Variants in CAMTA1 observed in about 807,000 individuals in gnomAD.
CAMTA1 encodes the protein calmodulin binding transcription activator 1, also known as calmodulin-binding transcription activator 1.
Under a neutral mutation model 170.9 loss-of-function variants are expected in CAMTA1, and 27 were observed. The observed-to-expected ratio is 0.16, with a 90% confidence interval of 0.12 to 0.22. The LOEUF (loss-of-function observed/expected upper bound fraction) is 0.22. Among genes scored for constraint, CAMTA1 ranks in the 10% least tolerant of loss-of-function variants. The probability of loss-of-function intolerance (pLI) is 1.00; values close to 1 mark genes in which losing one functional copy is unlikely to be tolerated. For synonymous variants in CAMTA1, 833 were observed against 891.5 expected, an observed-to-expected ratio of 0.93 and a Z score of 1.17; for missense variants, 1,619 against 2,217.2, an observed-to-expected ratio of 0.73 and a Z score of 5.42.
intron 5 of CAMTA1, among the ~76,000 whole-genome samples, chr1:7,285,992 G>A (rs781024674): frequency 1.3e-5 from 2 of 152,146 alleles, no homozygotes; most frequent in Non-Finnish European, 2.9e-5. Context: ...CTGCCCGCTA[G>A]CATGCTTTCT....
At chr1:7,253,839 C>A (rs1666968614) in intron 5 of CAMTA1, among the ~76,000 whole-genome samples, 1 of 152,136 alleles carries the variant, frequency 6.6e-6, no homozygotes, top group Non-Finnish European at 1.5e-5. Context: ...ATTTATTTAG[C>A]ACACATCCTT....
intron 6 of CAMTA1, among the ~76,000 whole-genome samples, chr1:7,551,301 A>G (rs2094798734): frequency 7.7e-6 from 1 of 129,324 alleles, no homozygotes; most frequent in Non-Finnish European, 1.6e-5. Context: ...GCGCAGGTGC[A>G]CTGAGTGTAT....
chr1:7,033,841 C>T (rs140323399), intron 3 of CAMTA1, among the ~76,000 whole-genome samples: 2 of 152,148 alleles, frequency 1.3e-5, no homozygotes, highest in African/African-American at 4.8e-5. Context: ...TGATCCACCC[C>T]CTTTGGCCTC....
At chr1:7,210,097 T>C (rs1297264610) in intron 4 of CAMTA1, among the ~76,000 whole-genome samples, 1 of 152,212 alleles carries the variant, frequency 6.6e-6, no homozygotes, top group Non-Finnish European at 1.5e-5. Context: ...ATAGTACTAA[T>C]GCAATAGCAT....
intron 3 of CAMTA1, among the ~76,000 whole-genome samples, chr1:7,040,601 C>T (rs539044773): frequency 1.2e-4 from 18 of 152,216 alleles, no homozygotes; most frequent in South Asian, 2.1e-4. Flanking sequence ...CAGGTGTACC[C>T]GTAAGCAGGG....
chr1:7,620,925 G>T (rs531889232), intron 6 of CAMTA1, among the ~76,000 whole-genome samples: 13 of 152,224 alleles, frequency 8.5e-5, no homozygotes, highest in Non-Finnish European at 1.9e-4. Flanking sequence ...GACAAGAGAA[G>T]CAGGGAGGAG....
chr1:6,798,417 C>T (rs1172242768), intron 1 of CAMTA1, among the ~76,000 whole-genome samples: 3 of 152,026 alleles, frequency 2.0e-5, no homozygotes, highest in Admixed American at 1.3e-4. Context: ...GGAATACTGG[C>T]GGTAGCATCA....
intron 16 of CAMTA1, among the ~76,000 whole-genome samples, chr1:7,742,474 G>A (rs2096826042): frequency 6.6e-6 from 1 of 152,012 alleles, no homozygotes; most frequent in African/African-American, 2.4e-5. Context: ...AGGTGTCCAA[G>A]GCATGTTTAT....
intron 5 of CAMTA1, among the ~76,000 whole-genome samples, chr1:7,425,701 C>T (rs559703419): frequency 1.3e-5 from 2 of 151,864 alleles, no homozygotes; most frequent in East Asian, 1.9e-4. Flanking sequence ...TGCTACCCAC[C>T]GAGAGCCCTT....
At chr1:6,886,572 A>G (rs965532519) in intron 3 of CAMTA1, among the ~76,000 whole-genome samples, 2 of 152,244 alleles carry the variant, frequency 1.3e-5, no homozygotes, top group African/African-American at 4.8e-5. Context: ...CACAGGCCTG[A>G]AGGCGATGTT....
intron 5 of CAMTA1, among the ~76,000 whole-genome samples, chr1:7,405,505 A>C (rs1230475575): frequency 6.6e-6 from 1 of 151,514 alleles, no homozygotes; most frequent in Non-Finnish European, 1.5e-5. Flanking sequence ...AGAATAGTTG[A>C]TACTACAGGC....
intron 11 of CAMTA1, among the ~76,000 whole-genome samples, chr1:7,707,626 C>T (rs909334325): frequency 6.6e-6 from 1 of 152,208 alleles, no homozygotes; most frequent in Admixed American, 6.5e-5. Flanking sequence ...ATCCACCCGC[C>T]TTTGCCTCCC....
chr1:7,533,835 C>T (rs1431403086), intron 6 of CAMTA1, among the ~76,000 whole-genome samples: 1 of 152,036 alleles, frequency 6.6e-6, no homozygotes, highest in Non-Finnish European at 1.5e-5. Context: ...ATCTCTTGAA[C>T]CCTGGGAGGC....
intron 6 of CAMTA1, among the ~76,000 whole-genome samples, chr1:7,515,896 T>G (rs907649846): frequency 6.6e-6 from 1 of 152,220 alleles, no homozygotes; most frequent in Admixed American, 6.5e-5. Flanking sequence ...TTTCAGCCTC[T>G]GAGTGGGAAC....
At chr1:7,610,395 G>A (rs559768402) in intron 6 of CAMTA1, among the ~76,000 whole-genome samples, 1 of 152,226 alleles carries the variant, frequency 6.6e-6, no homozygotes, top group South Asian at 2.1e-4. Flanking sequence ...AATAAACATG[G>A]GTCAAATGAA....
chr1:7,342,826 A>G (rs2083934605), intron 5 of CAMTA1, among the ~76,000 whole-genome samples: 1 of 152,198 alleles, frequency 6.6e-6, no homozygotes, highest in South Asian at 2.1e-4. Context: ...CTGGCTGGCC[A>G]GTGGGCAAAC....
chr1:7,193,964 A>ATTT (rs1553269110), intron 4 of CAMTA1, among the ~76,000 whole-genome samples: 1 of 152,164 alleles, frequency 6.6e-6, no homozygotes, highest in Non-Finnish European at 1.5e-5. Context: ...GGTAACCTAT[A>ATTT]TTTTATTCAC....
At chr1:7,294,317 G>C (rs980590712) in intron 5 of CAMTA1, among the ~76,000 whole-genome samples, 1 of 152,168 alleles carries the variant, frequency 6.6e-6, no homozygotes, top group African/African-American at 2.4e-5. Context: ...CTTCTCCCTG[G>C]AGCTGGCTGG....
chr1:7,554,346 A>C (rs1255272933), intron 6 of CAMTA1, among the ~76,000 whole-genome samples: 1 of 152,046 alleles, frequency 6.6e-6, no homozygotes, highest in Non-Finnish European at 1.5e-5. Context: ...GTATGTGCCA[A>C]ATGCTGTTCT....
Sources: allele counts gnomAD v4.1 joint callset (sites outside exome capture counted in the v4.1 genomes callset), GRCh38; gene constraint gnomAD v4.1.1; transcripts MANE v1.5; gene names NCBI Gene and HGNC (gene_info 2026-07-23, HGNC 2026-07-21).